MAP3K4: variants seen among roughly 807,000 people sequenced by gnomAD.
The protein encoded by MAP3K4 is MAP three kinase 1.
A neutral mutation model predicts 185.6 loss-of-function variants in MAP3K4; 67 were observed. The ratio of observed to expected loss-of-function variants is 0.36; its 90% CI spans 0.30 to 0.44. The LOEUF is 0.44. Ranked by LOEUF, MAP3K4 falls within the 20% of genes least tolerant of loss-of-function variation. The pLI is 1.00. For missense variants in MAP3K4, 1,551 were observed against 1,995.1 expected (o/e 0.78, Z 4.24); for synonymous variants, 702 against 710.4 (o/e 0.99, Z 0.19).
At chr6:161,104,180 C>T (rs1043331464) in intron 19 of MAP3K4, among the ~76,000 whole-genome samples, 3 of 151,948 alleles carry the variant, frequency 2.0e-5, no homozygotes, top group Admixed American at 6.6e-5. Context: ...TTTGGAAGGC[C>T]GAGGCAGGAG....
rs1777431895 is a variant in MAP3K4 at position 161,093,699 on chromosome 6, A to G, written c.3349-74A>G. 2.4e-6 allele frequency: 2 copies of G among 848,932 alleles called. No homozygotes were observed. Among genetic ancestry groups the G allele is most frequent in the Admixed American group, 4.8e-5 (2 of 42,076 alleles). 52.6% of individuals were successfully genotyped at this position (848,932 alleles called of 1,614,324 possible). A position where few individuals can be genotyped will look rare whatever the true frequency, so the allele number is the denominator to read the frequency against. On this transcript the variant is annotated intron_variant, in intron 14 of 26. Coordinates refer to ENST00000392142, the MANE Select transcript of MAP3K4 (RefSeq NM_005922.4). The surrounding 1 kb of genome is among the most constrained non-coding windows in gnomAD (Gnocchi z 5.2). Reference sequence around the variant, plus strand: ...GTTTTTAAAAATATACTGAAAATTAATTTGTGCTACTTACATAATTAAGAA... The same window carrying G: ...GTTTTTAAAAATATACTGAAAATTAGTTTGTGCTACTTACATAATTAAGAA...
In MAP3K4 at chr6:161,043,792, G is replaced by A. The variant is rs1783599844; in HGVS notation, c.344-4824G>A. Reference sequence around the variant, plus strand: ...TCCCTTCAGGTTGCTGACTTGTCTGGTATTCTAGTTCATCATTACTCTGAA... The same window carrying A: ...TCCCTTCAGGTTGCTGACTTGTCTGATATTCTAGTTCATCATTACTCTGAA... On this transcript the variant is annotated intron_variant, in intron 2 of 26. Coordinates refer to ENST00000392142, the MANE Select transcript of MAP3K4 (RefSeq NM_005922.4). This position sits in a 1 kb window ranked among gnomAD's most constrained non-coding sequence, Gnocchi z 4.3. 6.6e-6 allele frequency among the ~76,000 whole-genome samples: 1 copy of A among 152,092 alleles called. No homozygotes were observed.
rs572299356 is a variant in MAP3K4 at position 161,043,160 on chromosome 6, T to C, written c.344-5456T>C. 1.1e-4 allele frequency among the ~76,000 whole-genome samples: 16 copies of C among 152,354 alleles called. No homozygotes were observed. Among genetic ancestry groups the C allele is most frequent in the African/African-American group, 3.8e-4 (16 of 41,582 alleles). ...ATGTTTGTGTCAACCAGAGTGGATT[T>C]AAATCCATATTTCAGCTCTTTAGTC... On this transcript the variant is annotated intron_variant, in intron 2 of 26. Transcript: ENST00000392142. The surrounding 1 kb of genome is among the most constrained non-coding windows in gnomAD (Gnocchi z 4.3).
rs112445603 is a variant in MAP3K4 at position 161,035,459 on chromosome 6, A to G, written c.343+1010A>G. On this transcript the variant is annotated intron_variant, in intron 2 of 26. Coordinates refer to ENST00000392142, the MANE Select transcript of MAP3K4 (RefSeq NM_005922.4). ...TCCCATCAGAGCCCTTCCTCAAGAG[A>G]GCAGGAGGGCAAGAGAAGTGGGTTT... is the stretch of plus-strand genomic sequence containing the variant. 3.4e-3 allele frequency among the ~76,000 whole-genome samples: 512 copies of G among 152,158 alleles called. 4 individuals are homozygous for G. Among genetic ancestry groups the G allele is most frequent in the African/African-American group, 0.012 (488 of 41,498 alleles).
At position 161,097,842 on chromosome 6, in the gene MAP3K4, CT is replaced by C. The variant is rs1777640785; in HGVS notation, c.3525-433del. Among the ~76,000 whole-genome samples, 3 of 151,862 alleles carry C rather than the reference CT, an allele frequency of 2.0e-5. No individual in the cohort carries two copies. Among genetic ancestry groups the C allele is most frequent in the Non-Finnish European group, 2.9e-5 (2 of 67,982 alleles). On this transcript the variant is annotated intron_variant, in intron 16 of 26. Coordinates refer to ENST00000392142, the MANE Select transcript of MAP3K4 (RefSeq NM_005922.4). This position sits in a 1 kb window ranked among gnomAD's most constrained non-coding sequence, Gnocchi z 4.9. ...GTGACTCACGCCTGTAATTCCAGCA[CT>C]TTAGGAGGACGAGGCGGGAGGATCA...
At chr6:161,032,350 C>G (rs955852700) in intron 1 of MAP3K4, among the ~76,000 whole-genome samples, 2 of 152,138 alleles carry the variant, frequency 1.3e-5, no homozygotes, top group Non-Finnish European at 2.9e-5. Flanking sequence ...CCTCCCAAGG[C>G]CTGTGATATG....
In MAP3K4 at chr6:161,109,663, T is replaced by A; in HGVS notation, c.4237-92T>A. 1 of 1,249,876 alleles carries A rather than the reference T, an allele frequency of 8.0e-7. No individual in the cohort carries two copies. The highest frequency in any genetic ancestry group is 1.3e-5 in the South Asian group (1 of 76,438). The allele number at this position is 1,249,876 out of a possible 1,614,324, so 77.4% of individuals were successfully genotyped here. ...TATACCGTTAGAAAGAACATTCCTT[T>A]GGGGTGTGGCCTAGGAAGTTTTCCA... On this transcript the variant is annotated intron_variant, in intron 22 of 26. Transcript: ENST00000392142. The surrounding 1 kb of genome is among the most constrained non-coding windows in gnomAD (Gnocchi z 5.7).
chr6:161,094,367 C>A (rs1288753261), intron 15 of MAP3K4, among the ~76,000 whole-genome samples: 1 of 152,126 alleles, frequency 6.6e-6, no homozygotes, highest in African/African-American at 2.4e-5. Flanking sequence ...AGTTATGCTG[C>A]TATATATATT....
In MAP3K4 at chr6:161,107,077, CACGCAGAA is replaced by C; in HGVS notation, c.4048+373_4048+380del. 6.6e-6 allele frequency among the ~76,000 whole-genome samples: 1 copy of C among 150,964 alleles called. No individual in the cohort carries two copies. Among genetic ancestry groups the C allele is most frequent in the African/African-American group, 2.5e-5 (1 of 40,452 alleles). On this transcript the variant is annotated intron_variant, in intron 20 of 26. Coordinates refer to ENST00000392142, the MANE Select transcript of MAP3K4 (RefSeq NM_005922.4). This position sits in a 1 kb window ranked among gnomAD's most constrained non-coding sequence, Gnocchi z 6.2. ...ACACACACACACACACACACACACA[CACGCAGAA>C]CGTGATTTGAAGAGAGACTGGATAC...
At chr6:161,059,382 C>G (rs1036762984) in intron 3 of MAP3K4, among the ~76,000 whole-genome samples, 1 of 152,174 alleles carries the variant, frequency 6.6e-6, no homozygotes, top group African/African-American at 2.4e-5. Flanking sequence ...AGTGATCTGC[C>G]TGCCTTGGTC....
At chr6:161,045,492 T>C (rs1000189346) in intron 2 of MAP3K4, among the ~76,000 whole-genome samples, 2 of 152,202 alleles carry the variant, frequency 1.3e-5, no homozygotes, top group African/African-American at 4.8e-5. Context: ...CTTAGATTGC[T>C]TTCATTGTTG....
intron 1 of MAP3K4, among the ~76,000 whole-genome samples, chr6:161,000,828 CACACATACACATGTGTACGCACATAT>C (rs1781244027): frequency 6.9e-6 from 1 of 144,144 alleles, no homozygotes; most frequent in African/African-American, 2.9e-5. Context: ...CATGTGTATG[CACACATACACATGTGTACGCACATAT>C]ACACATGTGT....
intron 3 of MAP3K4, among the ~76,000 whole-genome samples, chr6:161,066,612 G>A (rs1007128598): frequency 2.6e-5 from 4 of 151,920 alleles, no homozygotes; most frequent in Non-Finnish European, 4.4e-5. Flanking sequence ...ACATTAAATC[G>A]GTATTAATTG....
rs565178068 is a variant in MAP3K4 at position 161,012,562 on chromosome 6, A to G, written c.152+20479A>G. On this transcript the variant is annotated intron_variant, in intron 1 of 26. Coordinates refer to ENST00000392142, the MANE Select transcript of MAP3K4 (RefSeq NM_005922.4). ...TAAGTGGCATAACTTGTTGCTTTATATAATTATTACAACGAACTTATAAAA... is the reference window on the plus strand; with the variant it reads ...TAAGTGGCATAACTTGTTGCTTTATGTAATTATTACAACGAACTTATAAAA... 9.2e-5 allele frequency among the ~76,000 whole-genome samples: 14 copies of G among 152,326 alleles called. No homozygotes were observed. In the East Asian group the frequency reaches 1.2e-3, roughly 13 times the overall value.
intron 11 of MAP3K4, among the ~76,000 whole-genome samples, chr6:161,089,713 A>G (rs955573986): frequency 2.0e-5 from 3 of 152,210 alleles, no homozygotes; most frequent in Non-Finnish European, 2.9e-5. Context: ...CTTATTCATA[A>G]TGGCTACATG....
intron 1 of MAP3K4, among the ~76,000 whole-genome samples, chr6:160,998,133 AGTAGGTGGTACTACAG>A (rs1781090385): frequency 6.6e-6 from 1 of 152,184 alleles, no homozygotes; most frequent in South Asian, 2.1e-4. Context: ...TGGCCTCCCA[AGTAGGTGGTACTACAG>A]GTGCGCACCA....
chr6:161,064,284 G>A lies in MAP3K4; in HGVS notation c.1708-6324G>A, dbSNP rs1179310459. ...TATTTTTGTGTTTAATACATACTTT[G>A]ATTTCCCATAATAACCAGTAAGAAT... is the stretch of plus-strand genomic sequence containing the variant. On this transcript the variant is annotated intron_variant, in intron 3 of 26. Coordinates refer to ENST00000392142, the MANE Select transcript of MAP3K4 (RefSeq NM_005922.4). The surrounding 1 kb of genome is among the most constrained non-coding windows in gnomAD (Gnocchi z 4.3). Among the ~76,000 whole-genome samples, 2 of 152,032 alleles carry A rather than the reference G, an allele frequency of 1.3e-5. No individual in the cohort carries two copies. The highest frequency in any genetic ancestry group is 3.9e-4 in the East Asian group (2 of 5,188).
At position 161,100,959 on chromosome 6, in the gene MAP3K4, G is replaced by A. The variant is rs1777815995; in HGVS notation, c.3675-933G>A. 1 of 151,982 alleles carries A rather than the reference G, an allele frequency of 6.6e-6. No individual in the cohort carries two copies. The highest frequency in any genetic ancestry group is 2.4e-5 in the African/African-American group (1 of 41,358). 9.4% of individuals were successfully genotyped at this position (151,982 alleles called of 1,614,324 possible). A position where few individuals can be genotyped will look rare whatever the true frequency, so the allele number is the denominator to read the frequency against. On this transcript the variant is annotated intron_variant, in intron 17 of 26. Transcript: ENST00000392142. The surrounding 1 kb of genome is among the most constrained non-coding windows in gnomAD (Gnocchi z 5.8). Reference sequence around the variant, plus strand: ...GCTTAGGGAAATACCAGAAAAAAATGCATATTTTATAATTTGTAAATGTCT... The same window carrying A: ...GCTTAGGGAAATACCAGAAAAAAATACATATTTTATAATTTGTAAATGTCT...
At chr6:161,081,149 G>C in intron 6 of MAP3K4, 111 bp downstream of exon 6, 1 of 1,209,452 alleles carries the variant, frequency 8.3e-7, no homozygotes, top group Non-Finnish European at 1.1e-6. Context: ...GAAAATTGCA[G>C]TTATCCATAT....
Sources: allele counts gnomAD v4.1 joint callset (sites outside exome capture counted in the v4.1 genomes callset), GRCh38; gene constraint gnomAD v4.1.1; non-coding constraint Gnocchi (gnomAD v3.1); transcripts MANE v1.5; gene names NCBI Gene and HGNC (gene_info 2026-07-23, HGNC 2026-07-21).